Variants in GRAP2 observed in about 807,000 individuals in gnomAD.
The protein encoded by GRAP2 is GRB2 related adaptor protein 2.
Under a neutral mutation model 43.5 loss-of-function variants are expected in GRAP2, and 31 were observed. The ratio of observed to expected loss-of-function variants is 0.71; its 90% CI spans 0.54 to 0.96. GRAP2 has a LOEUF of 0.96. GRAP2 is among the 40% of genes least tolerant of loss of function. The probability of loss-of-function intolerance (pLI) is 0.00; values close to 1 mark genes in which losing one functional copy is unlikely to be tolerated. For synonymous variants in GRAP2, 156 were observed against 164.8 expected, an observed-to-expected ratio of 0.95 and a Z score of 0.41; for missense variants, 371 against 424.4, an observed-to-expected ratio of 0.87 and a Z score of 1.11.
upstream of GRAP2, among the ~76,000 whole-genome samples, chr22:39,897,879 C>T (rs1022324505): frequency 2.0e-5 from 3 of 152,096 alleles, no homozygotes; most frequent in Non-Finnish European, 4.4e-5. Flanking sequence ...TATCTAATTT[C>T]AGCACAACAG....
intron 4 of GRAP2, among the ~76,000 whole-genome samples, chr22:39,962,587 G>A (rs2067130770): frequency 6.6e-6 from 1 of 152,068 alleles, no homozygotes; most frequent in Admixed American, 6.6e-5. Flanking sequence ...GTTAGACTGA[G>A]GGGTATCTCT....
At chr22:39,901,935 T>C (rs2066496022) in intron 1 of GRAP2, among the ~76,000 whole-genome samples, 1 of 152,244 alleles carries the variant, frequency 6.6e-6, no homozygotes, top group African/African-American at 2.4e-5. Flanking sequence ...AGTCTGAAGA[T>C]AGCTGCTTTG....
At chr22:39,897,848 C>T (rs537553658), upstream of GRAP2, among the ~76,000 whole-genome samples, 5 of 152,274 alleles carry the variant, frequency 3.3e-5, no homozygotes, top group African/African-American at 1.2e-4. Context: ...GGTCTCTCTT[C>T]TTCTGTTCTT....
intron 1 of GRAP2, among the ~76,000 whole-genome samples, chr22:39,939,419 G>A (rs962302261): frequency 4.0e-5 from 6 of 151,796 alleles, no homozygotes; most frequent in Non-Finnish European, 7.4e-5. Flanking sequence ...AAAATTAGCC[G>A]GGCGTGGTGG....
chr22:39,949,732 G>A (rs2066961822), intron 2 of GRAP2, among the ~76,000 whole-genome samples: 1 of 152,132 alleles, frequency 6.6e-6, no homozygotes. Flanking sequence ...TTGTGGAGAG[G>A]ATTCGAGGTG....
At chr22:39,904,553 G>A (rs2066511772) in intron 1 of GRAP2, among the ~76,000 whole-genome samples, 1 of 152,124 alleles carries the variant, frequency 6.6e-6, no homozygotes, top group Non-Finnish European at 1.5e-5. Flanking sequence ...TTACTTGTAA[G>A]TTGCAGATAA....
chr22:39,909,195 C>T (rs143571801), intron 1 of GRAP2, among the ~76,000 whole-genome samples: 3 of 152,140 alleles, frequency 2.0e-5, no homozygotes, highest in South Asian at 2.1e-4. Flanking sequence ...TTTTATAAAC[C>T]GGGTACTATA....
At chr22:39,964,259 C>G (rs2067147697) in intron 4 of GRAP2, 4 of 615,044 alleles carry the variant, frequency 6.5e-6, no homozygotes, top group Non-Finnish European at 1.1e-5. Flanking sequence ...TCCATTTTCT[C>G]TAGCCCTGGT....
rs117166546 is a variant in GRAP2, at chr22:39,919,483, C to T, written c.-15+18153C>T. Among the ~76,000 whole-genome samples, 1,411 of 152,288 alleles carry T rather than the reference C, an allele frequency of 9.3e-3. 13 individuals carry two copies. The highest frequency in any genetic ancestry group is 0.02 in the Middle Eastern group (6 of 294). On this transcript the variant is annotated intron_variant, in intron 1 of 7. Coordinates refer to ENST00000344138, the MANE Select transcript of GRAP2 (RefSeq NM_004810.4). The stretch of plus-strand genomic sequence containing the variant: ...GTCATTGTCCTTGCTGCCTGTCCTT[C>T]ACATGTGACAAGTCAATTCTTCATG...
intron 4 of GRAP2, among the ~76,000 whole-genome samples, chr22:39,965,781 C>T (rs182619950): frequency 4.1e-4 from 63 of 152,304 alleles, no homozygotes; most frequent in African/African-American, 1.4e-3. Context: ...ATGTAAATCC[C>T]GTCTAGCATA....
chr22:39,964,407 A>C, intron 4 of GRAP2: 2 of 809,030 alleles, frequency 2.5e-6, no homozygotes, highest in Non-Finnish European at 4.2e-6. Context: ...AGAAGAAGGC[A>C]CTGAAACAGC....
chr22:39,896,426 T>C (rs145375500), upstream of GRAP2, among the ~76,000 whole-genome samples: 428 of 152,326 alleles, frequency 2.8e-3, 2 homozygotes, highest in African/African-American at 9.8e-3. Context: ...TGACTGTTGC[T>C]GTTCACCAAG....
chr22:39,935,383 C>T (rs2066796633), intron 1 of GRAP2, among the ~76,000 whole-genome samples: 1 of 152,062 alleles, frequency 6.6e-6, no homozygotes, highest in Admixed American at 6.6e-5. Context: ...TGGGCCACTT[C>T]CAACTTTGAG....
intron 3 of GRAP2, among the ~76,000 whole-genome samples, chr22:39,957,718 T>C (rs1048568167): frequency 6.6e-6 from 1 of 152,152 alleles, no homozygotes; most frequent in Non-Finnish European, 1.5e-5. Flanking sequence ...GAGGATCACT[T>C]GTGGCTAGGA....
chr22:39,900,289 T>C (rs2066485536), upstream of GRAP2, among the ~76,000 whole-genome samples: 1 of 152,206 alleles, frequency 6.6e-6, no homozygotes, highest in Non-Finnish European at 1.5e-5. Flanking sequence ...GGATTAATGC[T>C]AGGAACATCC....
At chr22:39,898,006 A>G (rs1262540871), upstream of GRAP2, among the ~76,000 whole-genome samples, 1 of 152,198 alleles carries the variant, frequency 6.6e-6, no homozygotes, top group African/African-American at 2.4e-5. Flanking sequence ...CGCCATGGCA[A>G]CAAGGCCCTA....
In GRAP2 at chr22:39,966,145, C is replaced by A. The variant is rs139269286; in HGVS notation, c.446C>A (p.Thr149Asn). 7.0e-5 allele frequency: 113 copies of A among 1,613,940 alleles called. No individual in the cohort carries two copies. Among genetic ancestry groups the A allele is most frequent in the Middle Eastern group, 6.6e-4 (4 of 6,062 alleles). ...RQKQIFLRDR[T>N]REDQGHRGNS... Reference sequence around the variant, plus strand: ...AAGCAGATCTTCCTTAGAGACAGAACCCGAGAAGACCAGGTATGCTCCAGA... The same window carrying A: ...AAGCAGATCTTCCTTAGAGACAGAAACCGAGAAGACCAGGTATGCTCCAGA... Residue 149 changes from threonine to asparagine, a missense_variant, in exon 5 of 8, where the codon ACC becomes AAC. By Grantham distance (65) the Thr-to-Asn change is moderately conservative (BLOSUM62 0). Coordinates refer to ENST00000344138, the MANE Select transcript of GRAP2 (RefSeq NM_004810.4).
intron 2 of GRAP2, among the ~76,000 whole-genome samples, chr22:39,949,697 TG>T (rs2066961320): frequency 6.6e-6 from 1 of 152,166 alleles, no homozygotes; most frequent in African/African-American, 2.4e-5. Flanking sequence ...CCTCAGCAAG[TG>T]GAGGTAGTAT....
intron 3 of GRAP2, among the ~76,000 whole-genome samples, chr22:39,957,759 C>G (rs2067073311): frequency 6.6e-6 from 1 of 151,802 alleles, no homozygotes; most frequent in South Asian, 2.1e-4. Flanking sequence ...ACATAGCGAG[C>G]CCCATCTCTA....
Sources: allele counts gnomAD v4.1 joint callset (sites outside exome capture counted in the v4.1 genomes callset), GRCh38; gene constraint gnomAD v4.1.1; transcripts MANE v1.5; gene names NCBI Gene and HGNC (gene_info 2026-07-23, HGNC 2026-07-21).